The following TTC6 variants were observed in gnomAD, a reference collection of about 807,000 sequenced individuals.
TTC6 encodes tetratricopeptide repeat domain 6, also known as tetratricopeptide repeat protein 6.
TTC6 carries 172 observed loss-of-function variants against 210.4 expected under a neutral mutation model. The observed-to-expected ratio is 0.82, with a 90% confidence interval of 0.72 to 0.93. The LOEUF (loss-of-function observed/expected upper bound fraction) is 0.93, where lower values mean the gene tolerates loss of function less well. Among genes scored for constraint, TTC6 ranks in the 40% least tolerant of loss-of-function variants. The pLI, the probability that TTC6 is intolerant of heterozygous loss-of-function variation, is 0.00. For synonymous variants in TTC6, 804 were observed against 819.6 expected, an observed-to-expected ratio of 0.98 and a Z score of 0.32; for missense variants, 2,414 against 2,318.1, an observed-to-expected ratio of 1.04 and a Z score of -0.85.
chr14:37,639,279 T>C (rs1248733441), intron 1 of TTC6, among the ~76,000 whole-genome samples: 1 of 152,210 alleles, frequency 6.6e-6, no homozygotes, highest in East Asian at 1.9e-4. Flanking sequence ...AAAAGCAATC[T>C]GTGTTGTTTG....
chr14:37,750,271 G>T (rs1470949380), intron 12 of TTC6, among the ~76,000 whole-genome samples: 7 of 152,086 alleles, frequency 4.6e-5, no homozygotes, highest in Admixed American at 4.6e-4. Flanking sequence ...CCAACTTGAA[G>T]CACTAGACAT....
chr14:37,684,904 A>G (rs1159279132), intron 3 of TTC6, among the ~76,000 whole-genome samples: 1 of 152,214 alleles, frequency 6.6e-6, no homozygotes, highest in Non-Finnish European at 1.5e-5. Context: ...CAGAGGTGTA[A>G]TAAAGGAACA....
chr14:37,758,079 T>C (rs2095973303), intron 14 of TTC6, among the ~76,000 whole-genome samples: 3 of 152,212 alleles, frequency 2.0e-5, no homozygotes, highest in South Asian at 2.1e-4. Context: ...TTGCATTTGC[T>C]GAGGAGTGTT....
At chr14:37,712,228 A>G (rs1320554410) in intron 5 of TTC6, among the ~76,000 whole-genome samples, 2 of 152,200 alleles carry the variant, frequency 1.3e-5, no homozygotes, top group Non-Finnish European at 2.9e-5. Flanking sequence ...GCAAAAGACA[A>G]TAAGTTGTAA....
chr14:37,714,479 A>G (rs1408417245), intron 5 of TTC6, among the ~76,000 whole-genome samples, 176 bp from the exon 8 acceptor site: 2 of 152,190 alleles, frequency 1.3e-5, no homozygotes, highest in Non-Finnish European at 2.9e-5. Flanking sequence ...AGAACCAGAT[A>G]TTAGCATTTT....
intron 1 of TTC6, among the ~76,000 whole-genome samples, chr14:37,600,520 CCACGGT>C (rs1344460825): frequency 6.6e-6 from 1 of 152,172 alleles, no homozygotes; most frequent in African/African-American, 2.4e-5. Flanking sequence ...AGGAGCTTTC[CCACGGT>C]CTTTCAGTTG....
chr14:37,720,541 A>T (rs1428359779), intron 6 of TTC6: 1 of 149,786 alleles, frequency 6.7e-6, no homozygotes, highest in Admixed American at 6.7e-5. Context: ...AGCTATGAAC[A>T]CTGAAGCAGG....
chr14:37,663,465 A>C (rs759962821), intron 1 of TTC6, among the ~76,000 whole-genome samples: 3 of 152,216 alleles, frequency 2.0e-5, no homozygotes, highest in Non-Finnish European at 4.4e-5. Flanking sequence ...AAATGTAATC[A>C]ATCATTGTAT....
At chr14:37,713,325 C>A (rs2095847547) in intron 5 of TTC6, among the ~76,000 whole-genome samples, 1 of 152,146 alleles carries the variant, frequency 6.6e-6, no homozygotes, top group Non-Finnish European at 1.5e-5. Flanking sequence ...GCTTCTGGAA[C>A]CTCCACCCCG....
intron 5 of TTC6, 62 bp from the exon 8 acceptor site, chr14:37,714,593 C>G (rs925351881): frequency 9.4e-6 from 13 of 1,377,576 alleles, no homozygotes; most frequent in Admixed American, 2.2e-5. Context: ...GAAATGAGGG[C>G]AAACACCTTA....
chr14:37,781,412 C>A (rs1408022441), intron 14 of TTC6, among the ~76,000 whole-genome samples: 1 of 152,154 alleles, frequency 6.6e-6, no homozygotes, highest in East Asian at 1.9e-4. Flanking sequence ...TGTCTGTTGG[C>A]TGCATAAATG....
intron 1 of TTC6, among the ~76,000 whole-genome samples, chr14:37,666,446 C>CAAAA (rs11416752): frequency 9.8e-5 from 12 of 122,096 alleles, no homozygotes; most frequent in Admixed American, 7.6e-4. Flanking sequence ...GGCCCTGTCT[C>CAAAA]AAAAAAAAAA....
chr14:37,807,427 T>C lies in TTC6; in HGVS notation c.4422T>C (p.Tyr1474=), dbSNP rs773046991. ...TTTACCCTGAAAGCGTACGTGCCTA[T>C]CTCTACAGAGGAGTTCTGAAATACT... Residue 1474 remains tyrosine, a synonymous_variant, in exon 23 of 31, where the codon TAT becomes TAC. Coordinates refer to ENST00000553443, the Ensembl canonical transcript of TTC6. The C allele has an allele frequency of 9.4e-5, 143 of 1,529,338 alleles. No individual in the cohort carries two copies. Among genetic ancestry groups the C allele is most frequent in the Middle Eastern group, 6.7e-4 (4 of 5,980 alleles). The allele number at this position is 1,529,338 out of a possible 1,614,324, so 94.7% of individuals were successfully genotyped here.
chr14:37,792,453 C>G, intron 17 of TTC6, 39 bp downstream of exon 19: 1 of 1,412,264 alleles, frequency 7.1e-7, no homozygotes, highest in Non-Finnish European at 9.2e-7. Flanking sequence ...TTTAAAAAAA[C>G]TTTAATTTTC....
intron 1 of TTC6, among the ~76,000 whole-genome samples, chr14:37,624,668 C>T (rs773445417): frequency 7.2e-5 from 11 of 151,948 alleles, no homozygotes; most frequent in Non-Finnish European, 1.5e-4. Flanking sequence ...GTCGCTCAGG[C>T]TGGAGTGCAG....
chr14:37,750,704 T>A (rs1215052113), intron 12 of TTC6, among the ~76,000 whole-genome samples: 1 of 151,962 alleles, frequency 6.6e-6, no homozygotes, highest in Non-Finnish European at 1.5e-5. Context: ...CTGGGCAACA[T>A]GGTGAACCCC....
chr14:37,694,289 T>C (rs2095810196), intron 3 of TTC6, among the ~76,000 whole-genome samples: 1 of 152,140 alleles, frequency 6.6e-6, no homozygotes, highest in African/African-American at 2.4e-5. Flanking sequence ...TTTAAAAATA[T>C]GCAAAAGATT....
intron 25 of TTC6, among the ~76,000 whole-genome samples, chr14:37,816,264 T>C (rs944879739): frequency 6.6e-6 from 1 of 152,152 alleles, no homozygotes; most frequent in African/African-American, 2.4e-5. Context: ...CAGATTAACC[T>C]TAATACTCCC....
intron 14 of TTC6, among the ~76,000 whole-genome samples, chr14:37,774,717 A>G (rs1433634662): frequency 6.6e-6 from 1 of 152,054 alleles, no homozygotes; most frequent in Admixed American, 6.6e-5. Flanking sequence ...TTTGTCTCTC[A>G]CAGGTTTTGA....
Sources: allele counts gnomAD v4.1 joint callset (sites outside exome capture counted in the v4.1 genomes callset), GRCh38; gene constraint gnomAD v4.1.1; transcripts MANE v1.5; gene names NCBI Gene and HGNC (gene_info 2026-07-23, HGNC 2026-07-21).